CSMD1: variants seen among roughly 807,000 people sequenced by gnomAD.
CSMD1 encodes the protein CUB and Sushi multiple domains 1, also known as CUB and sushi domain-containing protein 1.
CSMD1 carries 213 observed loss-of-function variants against 417.5 expected under a neutral mutation model. The ratio of observed to expected loss-of-function variants is 0.51; its 90% CI spans 0.46 to 0.57. The LOEUF (loss-of-function observed/expected upper bound fraction) is 0.57. CSMD1 is among the 20% of genes least tolerant of loss of function. CSMD1 has a pLI of 0.00. For synonymous variants in CSMD1, 2,862 were observed against 1,736.8 expected, an observed-to-expected ratio of 1.65 and a Z score of -16.11; for missense variants, 6,923 against 4,529.7, an observed-to-expected ratio of 1.53 and a Z score of -15.17.
intron 6 of CSMD1, among the ~76,000 whole-genome samples, chr8:3,713,081 G>T (rs894758412): frequency 6.6e-6 from 1 of 152,006 alleles, no homozygotes; most frequent in Non-Finnish European, 1.5e-5. Flanking sequence ...TAAATATGAC[G>T]AATCTCTTTT....
At chr8:4,161,755 T>C (rs1178257923) in intron 3 of CSMD1, among the ~76,000 whole-genome samples, 3 of 152,184 alleles carry the variant, frequency 2.0e-5, no homozygotes, top group Admixed American at 2.0e-4. Context: ...CTGGAACCAG[T>C]TTCAAGGAAT....
intron 8 of CSMD1, among the ~76,000 whole-genome samples, chr8:3,593,473 G>A (rs969513554): frequency 1.3e-5 from 2 of 152,174 alleles, no homozygotes; most frequent in Non-Finnish European, 2.9e-5. Flanking sequence ...CAGGCGGGAT[G>A]GAGGAGAGAT....
At chr8:3,366,687 G>A (rs928694053) in intron 20 of CSMD1, among the ~76,000 whole-genome samples, 9 of 152,192 alleles carry the variant, frequency 5.9e-5, no homozygotes, top group African/African-American at 1.9e-4. Flanking sequence ...CCCAGAGGAT[G>A]CCTCCCAATA....
intron 2 of CSMD1, among the ~76,000 whole-genome samples, chr8:4,564,252 G>T (rs908584654): frequency 1.3e-5 from 2 of 152,118 alleles, no homozygotes; most frequent in African/African-American, 4.8e-5. Context: ...TATCCTTACA[G>T]ATAACAGTTT....
intron 2 of CSMD1, among the ~76,000 whole-genome samples, chr8:4,448,232 G>C (rs1338863250): frequency 6.6e-6 from 1 of 152,074 alleles, no homozygotes; most frequent in South Asian, 2.1e-4. Context: ...TCTTTATTCA[G>C]GTGAAGGAAT....
intron 1 of CSMD1, among the ~76,000 whole-genome samples, chr8:4,925,380 G>A (rs1161634580): frequency 6.6e-6 from 1 of 151,640 alleles, no homozygotes; most frequent in Non-Finnish European, 1.5e-5. Flanking sequence ...TTCTTTAGCA[G>A]TTAAATACAT....
At chr8:3,804,398 C>G (rs1015123608) in intron 5 of CSMD1, among the ~76,000 whole-genome samples, 1 of 152,040 alleles carries the variant, frequency 6.6e-6, no homozygotes, top group East Asian at 1.9e-4. Flanking sequence ...ATAAAAAATA[C>G]ATTAATTAAA....
chr8:4,398,127 G>C (rs11780778), intron 3 of CSMD1, among the ~76,000 whole-genome samples: 47,012 of 151,942 alleles, frequency 0.31, 7,281 homozygotes, highest in Middle Eastern at 0.45. Context: ...TGCCACATCT[G>C]GCAAAGTGTT....
At chr8:4,218,498 TAATA>T (rs1335445011) in intron 3 of CSMD1, among the ~76,000 whole-genome samples, 6 of 152,368 alleles carry the variant, frequency 3.9e-5, no homozygotes, top group Admixed American at 6.5e-5. Flanking sequence ...GATCTTTTTC[TAATA>T]AATAATATTT....
chr8:3,406,215 C>G lies in CSMD1; in HGVS notation c.2078G>C (p.Gly693Ala), dbSNP rs201932026. The change falls in exon 15 of 70, where the codon GGT (glycine) becomes GCT (alanine). Residue 693 changes from glycine to alanine, a missense_variant. By Grantham distance (60) the Gly-to-Ala change is moderately conservative. Transcript: ENST00000635120. ...GCCAGGATCATGGCACTCATTCTGA[C>G]CAAATGCTGAAAGAAAAAGAAGAAG... ...RGFNITYTTF[G>A]QNECHDPGIP... The G allele has an allele frequency of 6.3e-7, 1 of 1,594,656 alleles. No individual in the cohort carries two copies. The highest frequency in any genetic ancestry group is 8.5e-7 in the Non-Finnish European group (1 of 1,171,640).
intron 49 of CSMD1, among the ~76,000 whole-genome samples, chr8:3,069,013 G>A (rs865780836): frequency 6.6e-6 from 1 of 152,112 alleles, no homozygotes; most frequent in Middle Eastern, 3.2e-3. Context: ...CTGAGACAAG[G>A]AGAGACAAGG....
chr8:4,844,247 C>G (rs1212721430), intron 1 of CSMD1, among the ~76,000 whole-genome samples: 1 of 152,112 alleles, frequency 6.6e-6, no homozygotes. Flanking sequence ...CATTTTCCAG[C>G]TAAAACTAGC....
At chr8:4,981,704 G>T (rs978674454) in intron 1 of CSMD1, among the ~76,000 whole-genome samples, 2 of 152,100 alleles carry the variant, frequency 1.3e-5, no homozygotes, top group Non-Finnish European at 2.9e-5. Context: ...GGGCCATGCG[G>T]CACCCCCACC....
chr8:4,725,962 T>C (rs1383728661), intron 1 of CSMD1, among the ~76,000 whole-genome samples: 2 of 152,128 alleles, frequency 1.3e-5, no homozygotes, highest in Non-Finnish European at 2.9e-5. Context: ...CAAGAAGTTA[T>C]TAGGATTTAC....
chr8:3,411,413 G>A (rs145650266), intron 12 of CSMD1, among the ~76,000 whole-genome samples: 37 of 151,860 alleles, frequency 2.4e-4, no homozygotes, highest in African/African-American at 5.3e-4. Context: ...TATATGCTGC[G>A]TTCATTTTGT....
chr8:4,081,097 G>C (rs1268983501), intron 3 of CSMD1, among the ~76,000 whole-genome samples: 3 of 152,126 alleles, frequency 2.0e-5, no homozygotes, highest in African/African-American at 7.2e-5. Flanking sequence ...GAAGCAGAGA[G>C]ATTGGACTGC....
intron 10 of CSMD1, among the ~76,000 whole-genome samples, chr8:3,559,414 G>T (rs1481460289): frequency 6.6e-6 from 1 of 152,152 alleles, no homozygotes; most frequent in Non-Finnish European, 1.5e-5. Context: ...AAGTTCATCT[G>T]GGAATATACG....
intron 37 of CSMD1, among the ~76,000 whole-genome samples, chr8:3,168,427 T>G (rs1260758363): frequency 3.3e-5 from 5 of 152,186 alleles, no homozygotes; most frequent in Non-Finnish European, 7.3e-5. Flanking sequence ...TTTTGTTAAC[T>G]CTTAATTCGA....
At chr8:3,926,057 C>T (rs1340792167) in intron 5 of CSMD1, among the ~76,000 whole-genome samples, 4,534 of 59,892 alleles carry the variant, frequency 0.076, 403 homozygotes, top group African/African-American at 0.3. Context: ...ACCATATACA[C>T]ACACACACAC....
Sources: allele counts gnomAD v4.1 joint callset (sites outside exome capture counted in the v4.1 genomes callset), GRCh38; gene constraint gnomAD v4.1.1; transcripts MANE v1.5; gene names NCBI Gene and HGNC (gene_info 2026-07-23, HGNC 2026-07-21).